KDM6A: variants seen among roughly 807,000 people sequenced by gnomAD.
KDM6A encodes the protein lysine demethylase 6A, also known as lysine-specific demethylase 6A.
KDM6A carries 11 observed loss-of-function variants against 117.6 expected under a neutral mutation model. The observed-to-expected ratio is 0.09, with a 90% CI of 0.06 to 0.15. The LOEUF is 0.15. Ranked by LOEUF, KDM6A falls within the 10% of genes least tolerant of loss-of-function variation. The probability of loss-of-function intolerance (pLI) is 1.00; values close to 1 mark genes in which losing one functional copy is unlikely to be tolerated. For synonymous variants in KDM6A, 384 were observed against 396.1 expected (o/e 0.97, Z 0.36); for missense variants, 799 against 1,077.3 (o/e 0.74, Z 3.62).
At chrX:44,965,372 CT>C (rs1217365675) in intron 3 of KDM6A, among the ~76,000 whole-genome samples, 2 of 112,301 alleles carry the variant, frequency 1.8e-5, no homozygotes, top group African/African-American at 6.5e-5. Context: ...CACAAGAGGC[CT>C]AGCTTTTGGT....
intron 10 of KDM6A, among the ~76,000 whole-genome samples, chrX:45,054,623 A>T (rs2043994118): frequency 8.9e-6 from 1 of 111,930 alleles, no homozygotes. Context: ...CTGATAGATT[A>T]TAGTTTTAGA....
At chrX:45,006,028 T>TA (rs1357013712) in intron 4 of KDM6A, among the ~76,000 whole-genome samples, 1 of 67,668 alleles carries the variant, frequency 1.5e-5, no homozygotes, top group African/African-American at 5.6e-5. Flanking sequence ...CCGGCTTTCT[T>TA]ACCTTGGTCC....
chrX:45,058,698 C>T (rs1338087070), intron 10 of KDM6A, among the ~76,000 whole-genome samples: 1 of 110,143 alleles, frequency 9.1e-6, no homozygotes, highest in Non-Finnish European at 1.9e-5. Flanking sequence ...TGTGTGTGTG[C>T]ACATGTGCAT....
At chrX:45,063,239 A>G in intron 16 of KDM6A, among the ~76,000 whole-genome samples, 183 bp from the exon 17 acceptor site, 1 of 111,110 alleles carries the variant, frequency 9.0e-6, no homozygotes, top group Non-Finnish European at 1.9e-5. Flanking sequence ...ATGAACAAAT[A>G]CAATTTCTTG....
chrX:44,881,260 G>A (rs754492475), intron 2 of KDM6A, among the ~76,000 whole-genome samples: 1 of 111,983 alleles, frequency 8.9e-6, no homozygotes, highest in Non-Finnish European at 1.9e-5. Flanking sequence ...GTGAAACCCC[G>A]TCTCTACTAA....
At chrX:45,024,827 T>TG (rs2042304308) in intron 6 of KDM6A, among the ~76,000 whole-genome samples, 1 of 111,194 alleles carries the variant, frequency 9.0e-6, no homozygotes, top group African/African-American at 3.3e-5. Context: ...CAACCATAAT[T>TG]GGGGGCCAGC....
intron 16 of KDM6A, 116 bp from the exon 17 acceptor site, chrX:45,063,306 C>A (rs1261983332): frequency 5.9e-6 from 4 of 675,810 alleles, no homozygotes; most frequent in Non-Finnish European, 9.4e-6. Context: ...TAAAATCACA[C>A]ATTCCCTAAT....
chrX:45,063,495 C>G lies in KDM6A; in HGVS notation c.1757C>G (p.Pro586Arg), dbSNP rs1382986470. 1 of 1,210,748 alleles carries G rather than the reference C, an allele frequency of 8.3e-7. No individual in the cohort carries two copies. Among genetic ancestry groups the G allele is most frequent in the Admixed American group, 2.2e-5 (1 of 46,024 alleles). ...PNGPTADSSLPTNSVSGQQPQ... is the reference protein window; with the variant it reads ...PNGPTADSSLRTNSVSGQQPQ... Reference sequence around the variant, plus strand: ...GGGCCAACAGCTGACTCATCACTGCCTACAAACTCAGTCTCTGGCCAGCAG... The same window carrying G: ...GGGCCAACAGCTGACTCATCACTGCGTACAAACTCAGTCTCTGGCCAGCAG... The change falls in exon 17 of 30, where the codon CCT becomes CGT. Residue 586 changes from proline to arginine, a missense_variant. Pro to Arg is a moderately radical substitution (Grantham distance 103). Around this residue, in one of 8 missense-constraint regions of KDM6A, gnomAD observed 301 missense variants for 318.3 expected, o/e 0.95. Coordinates refer to ENST00000611820, the MANE Select transcript of KDM6A (RefSeq NM_001291415.2).
intron 2 of KDM6A, among the ~76,000 whole-genome samples, chrX:44,874,473 C>G (rs900389293): frequency 8.9e-6 from 1 of 111,806 alleles, no homozygotes; most frequent in African/African-American, 3.3e-5. Context: ...GGAAGTTTCA[C>G]GGAGTTTAGG....
intron 2 of KDM6A, among the ~76,000 whole-genome samples, chrX:44,876,289 T>C (rs2031532084): frequency 9.0e-6 from 1 of 111,677 alleles, no homozygotes; most frequent in African/African-American, 3.3e-5. Flanking sequence ...GGGTGTGTAA[T>C]GTAAAGCCTG....
At chrX:45,110,441 A>G (rs1365606716) in intron 29 of KDM6A, among the ~76,000 whole-genome samples, 192 bp downstream of exon 29, 1 of 111,849 alleles carries the variant, frequency 8.9e-6, no homozygotes, top group African/African-American at 3.2e-5. Context: ...ATTGGCATAT[A>G]TCATTTTCAG....
chrX:44,938,991 G>A (rs2037137748), intron 2 of KDM6A, among the ~76,000 whole-genome samples: 1 of 112,156 alleles, frequency 8.9e-6, no homozygotes, highest in African/African-American at 3.2e-5. Context: ...AAATATTACT[G>A]CTTATTGACG....
chrX:45,039,027 G>A (rs778556637), intron 8 of KDM6A, among the ~76,000 whole-genome samples: 6 of 111,086 alleles, frequency 5.4e-5, no homozygotes, highest in Non-Finnish European at 1.1e-4. Context: ...GCTACATCCC[G>A]TTATTTATAT....
chrX:45,026,772 A>G (rs1450174257), intron 6 of KDM6A, among the ~76,000 whole-genome samples: 1 of 104,334 alleles, frequency 9.6e-6, no homozygotes, highest in Non-Finnish European at 2.0e-5. Flanking sequence ...TGGAGATTGC[A>G]GTGAGCTGAG....
chrX:44,920,840 T>C (rs964021519), intron 2 of KDM6A, among the ~76,000 whole-genome samples: 3 of 110,086 alleles, frequency 2.7e-5, no homozygotes, highest in African/African-American at 9.9e-5. Flanking sequence ...ACTCTGTCTT[T>C]TGCTTTTTAA....
At position 45,046,313 on chromosome X, in the gene KDM6A, A is replaced by G. The variant is rs372471317; in HGVS notation, c.655-5396A>G. Reference sequence around the variant, plus strand: ...TTACTTTCTTATCGTGATAAAATGCATATGCTTTAGTTTCAAAGTCAGAAT... The same window carrying G: ...TTACTTTCTTATCGTGATAAAATGCGTATGCTTTAGTTTCAAAGTCAGAAT... On this transcript the variant is annotated intron_variant, in intron 8 of 29. Transcript: ENST00000611820. 4.3e-4 allele frequency among the ~76,000 whole-genome samples: 48 copies of G among 112,090 alleles called. 2 individuals are homozygous for G. In the South Asian group the frequency reaches 0.018, roughly 41 times the overall value.
At chrX:45,076,931 A>T (rs2148103794) in intron 19 of KDM6A, 105 bp downstream of exon 19, 1 of 746,699 alleles carries the variant, frequency 1.3e-6, no homozygotes, top group Non-Finnish European at 2.1e-6. Context: ...CATTACAATT[A>T]TTGGCAGCAG....
chrX:45,057,045 G>A (rs1452467730), intron 10 of KDM6A, among the ~76,000 whole-genome samples: 2 of 111,063 alleles, frequency 1.8e-5, no homozygotes, highest in Non-Finnish European at 3.8e-5. Flanking sequence ...TCTCAATCAC[G>A]GACATTTCTT....
intron 4 of KDM6A, among the ~76,000 whole-genome samples, chrX:44,977,954 C>T (rs2147281374): frequency 8.9e-6 from 1 of 111,797 alleles, no homozygotes; most frequent in East Asian, 2.8e-4. Context: ...GCATATTTAT[C>T]CTTTATCTGT....
Sources: allele counts gnomAD v4.1 joint callset (sites outside exome capture counted in the v4.1 genomes callset), GRCh38; gene constraint gnomAD v4.1.1; regional missense constraint gnomAD v4.1.1; transcripts MANE v1.5; gene names NCBI Gene and HGNC (gene_info 2026-07-23, HGNC 2026-07-21).